The following PCDHA3 variants were observed in gnomAD, a reference collection of about 807,000 sequenced individuals.
The protein encoded by PCDHA3 is protocadherin alpha-3.
Under a neutral mutation model 62.2 loss-of-function variants are expected in PCDHA3, and 41 were observed. That is an observed-to-expected ratio of 0.66 (90% CI 0.51 to 0.86). The LOEUF (loss-of-function observed/expected upper bound fraction) is 0.86, where lower values mean the gene tolerates loss of function less well. Among genes scored for constraint, PCDHA3 ranks in the 40% least tolerant of loss-of-function variants. PCDHA3 has a pLI of 0.00. For synonymous variants in PCDHA3, 640 were observed against 555.4 expected, an observed-to-expected ratio of 1.15 and a Z score of -2.14; for missense variants, 1,304 against 1,241.2, an observed-to-expected ratio of 1.05 and a Z score of -0.76.
At chr5:140,818,584 C>A (rs1453771164) in intron 1 of PCDHA3, among the ~76,000 whole-genome samples, 1 of 152,164 alleles carries the variant, frequency 6.6e-6, no homozygotes, top group African/African-American at 2.4e-5. Context: ...TGCCTATAAT[C>A]CCAACACCTG....
chr5:140,882,103 G>A, intron 1 of PCDHA3: 2 of 1,335,054 alleles, frequency 1.5e-6, no homozygotes, highest in Non-Finnish European at 2.0e-6. Context: ...ACGTTTCCGC[G>A]AAGAAAGCCG....
intron 1 of PCDHA3, chr5:140,809,672 T>A: frequency 7.2e-7 from 1 of 1,380,526 alleles, no homozygotes; most frequent in Non-Finnish European, 9.8e-7. Context: ...TGGGTTAAAA[T>A]TTTACCTCTT....
intron 1 of PCDHA3, chr5:140,883,991 G>C: frequency 6.2e-7 from 1 of 1,612,972 alleles, no homozygotes; most frequent in South Asian, 1.1e-5. Flanking sequence ...CAGCGCGGGA[G>C]GCACAGTGAG....
intron 1 of PCDHA3, chr5:140,853,593 G>C (rs2042798259): frequency 1.0e-6 from 1 of 986,850 alleles, no homozygotes; most frequent in Admixed American, 6.3e-5. Flanking sequence ...TAGACACTTT[G>C]AGAGCAAAGG....
intron 1 of PCDHA3, chr5:140,858,504 C>A: frequency 4.8e-6 from 7 of 1,454,340 alleles, no homozygotes; most frequent in Non-Finnish European, 6.6e-6. Flanking sequence ...CGCATTTTCT[C>A]AAATATGTAT....
chr5:140,830,731 G>C (rs1172672953), intron 1 of PCDHA3: 11 of 211,044 alleles, frequency 5.2e-5, no homozygotes, highest in Admixed American at 5.7e-5. Context: ...AATATTCTTG[G>C]ATATGTCGTT....
At chr5:140,924,895 AAAAAAAAAAATAAAAT>A (rs200266637) in intron 1 of PCDHA3, among the ~76,000 whole-genome samples, 43,424 of 132,064 alleles carry the variant, frequency 0.33, 6,815 homozygotes, top group East Asian at 0.57. Flanking sequence ...AACCTGTCTC[AAAAAAAAAAATAAAAT>A]AAAATAAAAT....
chr5:140,915,259 T>C (rs1344301014), intron 1 of PCDHA3, among the ~76,000 whole-genome samples: 1 of 152,182 alleles, frequency 6.6e-6, no homozygotes, highest in East Asian at 1.9e-4. Context: ...GTTGTTATTA[T>C]TTTTGACCAG....
chr5:140,968,896 A>G (rs2096277975), intron 1 of PCDHA3: 1 of 1,614,240 alleles, frequency 6.2e-7, no homozygotes, highest in Non-Finnish European at 8.5e-7. Context: ...ATCTAATAAT[A>G]GCATTAAGCA....
chr5:140,871,160 C>A, intron 1 of PCDHA3: 1 of 1,613,470 alleles, frequency 6.2e-7, no homozygotes, highest in Non-Finnish European at 8.5e-7. Context: ...GCGGGCGCCG[C>A]GAGCCCAGAG....
At chr5:140,977,513 A>G (rs1378316611) in intron 1 of PCDHA3, among the ~76,000 whole-genome samples, 2 of 152,236 alleles carry the variant, frequency 1.3e-5, no homozygotes, top group African/African-American at 4.8e-5. Context: ...GCATTTTGTG[A>G]ACTTGAAAAC....
chr5:140,876,155 T>C lies in PCDHA3; in HGVS notation c.2394+72564T>C, dbSNP rs1554168308. Reference sequence around the variant, plus strand: ...CCAGAACTAACAGGGTCTGTCCAGATTCAAATAACCGTCCTGGATGTGAAT... The same window carrying C: ...CCAGAACTAACAGGGTCTGTCCAGACTCAAATAACCGTCCTGGATGTGAAT... On this transcript the variant is annotated intron_variant, in intron 1 of 3. Coordinates refer to ENST00000522353, the MANE Select transcript of PCDHA3 (RefSeq NM_018906.3). 3 of 1,613,994 alleles carry C rather than the reference T, an allele frequency of 1.9e-6. No homozygotes were observed. Among genetic ancestry groups the C allele is most frequent in the Admixed American group, 3.3e-5 (2 of 60,026 alleles).
intron 1 of PCDHA3, chr5:140,823,555 C>A: frequency 6.2e-7 from 1 of 1,613,846 alleles, no homozygotes; most frequent in Non-Finnish European, 8.5e-7. Flanking sequence ...GGCGAAGGTG[C>A]GCGCAGTGGA....
rs555714516 is a variant in PCDHA3, at chr5:140,983,025, A to T, written c.2542+462A>T. Among the ~76,000 whole-genome samples the T allele has an allele frequency of 9.9e-5, 15 of 151,964 alleles. 1 individual carries two copies. The South Asian group carries it at 2.9e-3, about 29-fold the overall frequency. ...AAGAAAAAGGAAGGAAGGAAGGAAG[A>T]TGGTTTCTCATGGAAGTGGAAAATT... On this transcript the variant is annotated intron_variant, in intron 3 of 3. Coordinates refer to ENST00000522353, the MANE Select transcript of PCDHA3 (RefSeq NM_018906.3).
chr5:140,957,954 T>G (rs2095401085), intron 1 of PCDHA3, among the ~76,000 whole-genome samples: 2 of 152,138 alleles, frequency 1.3e-5, no homozygotes, highest in Admixed American at 1.3e-4. Context: ...TTAAGACTAT[T>G]AATTCAGAGA....
rs114871728 is a variant in PCDHA3, at chr5:140,922,694, C to T, written c.2395-56255C>T. The stretch of plus-strand genomic sequence containing the variant: ...GTAAAAAAGTGAACAGGCTCTGCTT[C>T]CATACAGTCAAGAACAAAAAGAAAC... On this transcript the variant is annotated intron_variant, in intron 1 of 3. Transcript: ENST00000522353. Among the ~76,000 whole-genome samples, 1,199 of 152,172 alleles carry T rather than the reference C, an allele frequency of 7.9e-3. 5 individuals carry two copies. The highest frequency in any genetic ancestry group is 0.018 in the African/African-American group (768 of 41,520).
At chr5:140,843,313 G>T (rs1554139942) in intron 1 of PCDHA3, 3 of 1,595,962 alleles carry the variant, frequency 1.9e-6, no homozygotes, top group Admixed American at 1.7e-5. Context: ...CCACGGCCAC[G>T]GTTCTGGTGT....
chr5:140,870,678 G>A (rs1304914174), intron 1 of PCDHA3: 3 of 1,612,744 alleles, frequency 1.9e-6, no homozygotes, highest in Non-Finnish European at 2.5e-6. Context: ...TGGACCACGA[G>A]GAGCTGGAGC....
intron 1 of PCDHA3, among the ~76,000 whole-genome samples, chr5:140,912,685 G>A (rs2076025155): frequency 6.6e-6 from 1 of 152,060 alleles, no homozygotes; most frequent in Non-Finnish European, 1.5e-5. Flanking sequence ...CTTATTCCAG[G>A]TCTCAGGGGG....
Sources: gnomAD v4.1 joint callset for allele counts (sites outside exome capture counted in the v4.1 genomes callset) on GRCh38, gnomAD v4.1.1 for gene constraint, MANE v1.5 for transcripts, NCBI Gene and HGNC (gene_info 2026-07-23, HGNC 2026-07-21) for gene names.